The following ADGRG6 variants were observed in gnomAD, a reference collection of about 807,000 sequenced individuals.
The protein encoded by ADGRG6 is G-protein coupled receptor 126.
A neutral mutation model predicts 142.4 loss-of-function variants in ADGRG6; 84 were observed. The observed-to-expected ratio is 0.59, with a 90% CI of 0.49 to 0.71. The LOEUF (loss-of-function observed/expected upper bound fraction) is 0.71. Ranked by LOEUF, ADGRG6 falls within the 30% of genes least tolerant of loss-of-function variation. The probability of loss-of-function intolerance (pLI) is 0.00; values close to 1 mark genes in which losing one functional copy is unlikely to be tolerated. For missense variants in ADGRG6, 1,367 were observed against 1,466.6 expected, an observed-to-expected ratio of 0.93 and a Z score of 1.11; for synonymous variants, 521 against 520.5, an observed-to-expected ratio of 1.00 and a Z score of -0.01.
chr6:142,392,552 C>T (rs955837967), intron 7 of ADGRG6, among the ~76,000 whole-genome samples: 8 of 151,842 alleles, frequency 5.3e-5, no homozygotes, highest in Admixed American at 6.6e-5. Flanking sequence ...TGCAAATCTT[C>T]TTTAATATGA....
chr6:142,318,385 ATATAT>A (rs1778343698), intron 2 of ADGRG6, among the ~76,000 whole-genome samples: 1 of 111,806 alleles, frequency 8.9e-6, no homozygotes, highest in South Asian at 2.3e-4. Context: ...TTATATATTT[ATATAT>A]TATATGTAAT....
intron 2 of ADGRG6, among the ~76,000 whole-genome samples, chr6:142,334,220 G>A (rs1325168369): frequency 6.6e-6 from 1 of 152,158 alleles, no homozygotes; most frequent in Non-Finnish European, 1.5e-5. Flanking sequence ...CAGGAAGGAA[G>A]CTAAGAAGAA....
At chr6:142,309,483 T>C (rs1171652629) in intron 1 of ADGRG6, 61 bp from the exon 2 acceptor site, 2 of 1,201,418 alleles carry the variant, frequency 1.7e-6, no homozygotes, top group Non-Finnish European at 2.4e-6. Flanking sequence ...GTTTTTACTT[T>C]ATTTGTCATA....
intron 7 of ADGRG6, among the ~76,000 whole-genome samples, chr6:142,391,481 A>G (rs979554304): frequency 3.3e-5 from 5 of 150,806 alleles, no homozygotes; most frequent in African/African-American, 1.2e-4. Flanking sequence ...ACACACACAG[A>G]GACATCTATA....
chr6:142,386,953 T>C (rs965197074), intron 6 of ADGRG6, among the ~76,000 whole-genome samples: 2 of 152,102 alleles, frequency 1.3e-5, no homozygotes, highest in African/African-American at 4.8e-5. Flanking sequence ...AGAAACCCCA[T>C]GAAGACAAGG....
At chr6:142,414,875 C>A (rs1776278395) in intron 18 of ADGRG6, 94 bp from the exon 19 acceptor site, 1 of 928,262 alleles carries the variant, frequency 1.1e-6, no homozygotes, top group Non-Finnish European at 1.5e-6. Context: ...TGAGAGTAAG[C>A]TGCTCTAATG....
At chr6:142,330,045 C>T (rs2114657650) in intron 2 of ADGRG6, among the ~76,000 whole-genome samples, 1 of 151,982 alleles carries the variant, frequency 6.6e-6, no homozygotes, top group South Asian at 2.1e-4. Flanking sequence ...AGAAATTTTT[C>T]ATTTGCCACT....
chr6:142,347,337 C>A (rs960420470), intron 2 of ADGRG6, among the ~76,000 whole-genome samples: 1 of 152,148 alleles, frequency 6.6e-6, no homozygotes, highest in African/African-American at 2.4e-5. Context: ...TTTTATATCA[C>A]TGTATTGGGA....
intron 5 of ADGRG6, 38 bp downstream of exon 5, chr6:142,382,057 T>G (rs114655730): frequency 4.0e-6 from 5 of 1,262,826 alleles, no homozygotes; most frequent in Non-Finnish European, 5.7e-6. Context: ...TCTCTTTGCT[T>G]TCTACTTGCA....
At position 142,338,323 on chromosome 6, in the gene ADGRG6, T is replaced by A. The variant is rs78240093; in HGVS notation, c.103+28679T>A. Among the ~76,000 whole-genome samples, 968 of 152,012 alleles carry A rather than the reference T, an allele frequency of 6.4e-3. 24 individuals are homozygous for A. Among genetic ancestry groups the A allele is most frequent in the African/African-American group, 0.023 (942 of 41,532 alleles). On this transcript the variant is annotated intron_variant, in intron 2 of 24. Coordinates refer to ENST00000367609, the MANE Select transcript of ADGRG6 (RefSeq NM_198569.3). ...GCGCCCGGCCTATGCCTTGTATCTT[T>A]GATAGTGTATTGAAATTAAGGAGAC...
intron 2 of ADGRG6, among the ~76,000 whole-genome samples, chr6:142,330,090 A>G (rs1005434391): frequency 6.6e-6 from 1 of 151,274 alleles, no homozygotes; most frequent in African/African-American, 2.4e-5. Context: ...AATTTTTTTT[A>G]AAAGGGAGAG....
At chr6:142,392,818 C>A in intron 7 of ADGRG6, 130 bp from the exon 8 acceptor site, 1 of 639,140 alleles carries the variant, frequency 1.6e-6, no homozygotes, top group South Asian at 1.9e-5. Context: ...ATTAACTGTT[C>A]ACTCCTCCAA....
At chr6:142,345,043 T>A (rs1779824886) in intron 2 of ADGRG6, among the ~76,000 whole-genome samples, 1 of 152,004 alleles carries the variant, frequency 6.6e-6, no homozygotes, top group Non-Finnish European at 1.5e-5. Flanking sequence ...AGGTCAGAAT[T>A]GTGGGTCATT....
At chr6:142,323,663 C>T (rs1332825973) in intron 2 of ADGRG6, among the ~76,000 whole-genome samples, 1 of 152,106 alleles carries the variant, frequency 6.6e-6, no homozygotes, top group Non-Finnish European at 1.5e-5. Flanking sequence ...ATGGTATAGC[C>T]TCCTACGCAG....
chr6:142,335,220 G>C (rs1306442387), intron 2 of ADGRG6, among the ~76,000 whole-genome samples: 1 of 152,176 alleles, frequency 6.6e-6, no homozygotes, highest in Non-Finnish European at 1.5e-5. Context: ...TAGATGTTTG[G>C]TTTTTGGTGG....
intron 18 of ADGRG6, 99 bp downstream of exon 18, chr6:142,411,510 T>C: frequency 1.4e-6 from 1 of 725,778 alleles, no homozygotes; most frequent in Non-Finnish European, 2.6e-6. Context: ...TTGGGAATTA[T>C]TTCCTGATAG....
chr6:142,313,236 T>G (rs1017345966), intron 2 of ADGRG6, among the ~76,000 whole-genome samples: 1 of 152,062 alleles, frequency 6.6e-6, no homozygotes, highest in African/African-American at 2.4e-5. Context: ...ATATTTAAAT[T>G]TTGTTAGTTA....
Position 142,409,861 on chromosome 6 carries a change from T to A in ADGRG6, c.2389-13T>A. On this transcript the variant is annotated splice_polypyrimidine_tract_variant and intron_variant, in intron 16 of 24. Coordinates refer to ENST00000367609, the MANE Select transcript of ADGRG6 (RefSeq NM_198569.3). ...AAACACAATTTCACATGTTTATTCT[T>A]ATGTTAATATAGGAAGTGCATCATC... 2 of 1,325,366 alleles carry A rather than the reference T, an allele frequency of 1.5e-6. No homozygotes were observed. The highest frequency in any genetic ancestry group is 2.1e-6 in the Non-Finnish European group (2 of 947,164). 82.1% of individuals were successfully genotyped at this position (1,325,366 alleles called of 1,614,324 possible).
intron 2 of ADGRG6, among the ~76,000 whole-genome samples, chr6:142,367,155 A>G (rs1432866425): frequency 6.6e-6 from 1 of 152,034 alleles, no homozygotes; most frequent in African/African-American, 2.4e-5. Flanking sequence ...AACCCCCGCC[A>G]CCCCAGTTCA....
Sources: allele counts gnomAD v4.1 joint callset (sites outside exome capture counted in the v4.1 genomes callset), GRCh38; gene constraint gnomAD v4.1.1; transcripts MANE v1.5; gene names NCBI Gene and HGNC (gene_info 2026-07-23, HGNC 2026-07-21).